GTF2B: variants seen among roughly 807,000 people sequenced by gnomAD.
GTF2B encodes the protein general transcription factor IIB.
In GTF2B, 20 loss-of-function variants were observed where a neutral mutation model predicts 34.6. The ratio of observed to expected loss-of-function variants is 0.58; its 90% CI spans 0.41 to 0.84. The LOEUF is 0.84. Ranked by LOEUF, GTF2B falls within the 40% of genes least tolerant of loss-of-function variation. The pLI, the probability that GTF2B is intolerant of heterozygous loss-of-function variation, is 0.00. For missense variants in GTF2B, 237 were observed against 393.3 expected, an observed-to-expected ratio of 0.60 and a Z score of 3.36; for synonymous variants, 142 against 132.4, an observed-to-expected ratio of 1.07 and a Z score of -0.50.
Position 88,863,980 on chromosome 1 carries a change from C to A in GTF2B, c.258+1G>T, listed in dbSNP as rs1345416786. On this transcript the variant is annotated splice_donor_variant, in intron 3 of 6. Transcript: ENST00000370500. LOFTEE classifies it high-confidence loss of function. ...TATTTCCTGCCAAATGGACTTATTA[C>A]CTTGCCAATCATGGTAGACAAATCT... The A allele has an allele frequency of 6.2e-7, 1 of 1,613,680 alleles. No homozygotes were observed. The highest frequency in any genetic ancestry group is 1.7e-5 in the Admixed American group (1 of 59,996).
At chr1:88,879,198 T>C (rs186310132) in intron 2 of GTF2B, among the ~76,000 whole-genome samples, 2 of 152,210 alleles carry the variant, frequency 1.3e-5, no homozygotes, top group African/African-American at 4.8e-5. Flanking sequence ...AGATAAATGT[T>C]ATTAGAGGCA....
rs927850967 is a variant in GTF2B at position 88,880,364 on chromosome 1, G to A, written c.124+6897C>T. Among the ~76,000 whole-genome samples the A allele has an allele frequency of 2.0e-5, 3 of 152,302 alleles. No homozygotes were observed. In the South Asian group the frequency reaches 6.2e-4, roughly 32 times the overall value. Reference sequence around the variant, plus strand: ...CTTCCCCATTTTCTTAGTGTAAGAGGTAAAGGCTGAACTGAGCTGGCAATG... The same window carrying A: ...CTTCCCCATTTTCTTAGTGTAAGAGATAAAGGCTGAACTGAGCTGGCAATG... On this transcript the variant is annotated intron_variant, in intron 2 of 6. Transcript: ENST00000370500.
chr1:88,861,239 G>T (rs189234915), intron 3 of GTF2B, among the ~76,000 whole-genome samples: 2 of 152,238 alleles, frequency 1.3e-5, no homozygotes, highest in African/African-American at 4.8e-5. Flanking sequence ...ATCTCCTGAA[G>T]GACACATAAG....
At position 88,887,276 on chromosome 1, in the gene GTF2B, A is replaced by C; in HGVS notation, c.109T>G (p.Cys37Gly). ...YRAGDMICPE[C>G]GLVVGDRVID... ...AACAACTCACCTACAACCAAGCCACATTCAGGACAGATCATATCACCGGCT... is the reference window on the plus strand; with the variant it reads ...AACAACTCACCTACAACCAAGCCACCTTCAGGACAGATCATATCACCGGCT... Residue 37 changes from cysteine to glycine, a missense_variant, in exon 2 of 7, where the codon TGT becomes GGT. Coordinates refer to ENST00000370500, the MANE Select transcript of GTF2B (RefSeq NM_001514.6). 6.2e-7 allele frequency: 1 copy of C among 1,605,702 alleles called. No individual in the cohort carries two copies. Among genetic ancestry groups the C allele is most frequent in the Admixed American group, 1.7e-5 (1 of 59,966 alleles).
intron 6 of GTF2B, among the ~76,000 whole-genome samples, chr1:88,856,272 C>CAAATAAAAAAAA (rs1673302947): frequency 2.0e-5 from 1 of 50,042 alleles, no homozygotes. Flanking sequence ...GTTTCAAAAA[C>CAAATAAAAAAAA]AAAAAAAAAA....
chr1:88,873,601 G>C (rs1302885775), intron 2 of GTF2B, among the ~76,000 whole-genome samples: 1 of 152,104 alleles, frequency 6.6e-6, no homozygotes, highest in Non-Finnish European at 1.5e-5. Flanking sequence ...CATGTTAACA[G>C]TCCATACTTA....
chr1:88,871,069 T>A (rs912504292), intron 2 of GTF2B, among the ~76,000 whole-genome samples: 1 of 152,006 alleles, frequency 6.6e-6, no homozygotes, highest in Admixed American at 6.6e-5. Context: ...GCCTGGCTAA[T>A]TTTTGTATTT....
chr1:88,891,551 C>G lies in GTF2B; in HGVS notation c.-52G>C. 2.6e-6 allele frequency: 4 copies of G among 1,557,896 alleles called. No individual in the cohort carries two copies. Among genetic ancestry groups the G allele is most frequent in the Middle Eastern group, 3.4e-4 (2 of 5,956 alleles). On this transcript the variant is annotated 5_prime_UTR_variant, in exon 1 of 7. Coordinates refer to ENST00000370500, the MANE Select transcript of GTF2B (RefSeq NM_001514.6). ...CAAGACACAACAGACACACCGAAAG[C>G]AGGAAGCGAATGTGGCGAAGAGACG...
intron 2 of GTF2B, among the ~76,000 whole-genome samples, chr1:88,870,947 G>C (rs1230601822): frequency 6.9e-6 from 1 of 145,850 alleles, no homozygotes; most frequent in Non-Finnish European, 1.5e-5. Context: ...AGTCACCCAG[G>C]CTGGAGCGCA....
At chr1:88,859,779 T>A in intron 5 of GTF2B, 103 bp downstream of exon 5, 1 of 950,892 alleles carries the variant, frequency 1.1e-6, no homozygotes, top group Non-Finnish European at 1.6e-6. Context: ...GAGGTTGCAG[T>A]GAGTCAAGAT....
At chr1:88,871,513 T>C (rs1673692908) in intron 2 of GTF2B, among the ~76,000 whole-genome samples, 1 of 152,102 alleles carries the variant, frequency 6.6e-6, no homozygotes, top group African/African-American at 2.4e-5. Flanking sequence ...TGACCAAAAG[T>C]GACAGTAACA....
At chr1:88,887,950 CTTG>C (rs1281157421) in intron 1 of GTF2B, 1 of 152,206 alleles carries the variant, frequency 6.6e-6, no homozygotes, top group Non-Finnish European at 1.5e-5. Context: ...TCAAAAGCTA[CTTG>C]TTATCTGTGA....
intron 2 of GTF2B, among the ~76,000 whole-genome samples, chr1:88,867,248 GC>G (rs1162171607): frequency 2.0e-5 from 3 of 152,062 alleles, no homozygotes; most frequent in Non-Finnish European, 2.9e-5. Context: ...TTTCATATAT[GC>G]TCTGTGTTTT....
At chr1:88,874,930 T>TAA (rs56771486) in intron 2 of GTF2B, among the ~76,000 whole-genome samples, 13,028 of 146,056 alleles carry the variant, frequency 0.089, 1,286 homozygotes, top group African/African-American at 0.25. Flanking sequence ...ACATTTAAAG[T>TAA]AAAAAAAAAA....
At chr1:88,870,569 C>T (rs1673667708) in intron 2 of GTF2B, among the ~76,000 whole-genome samples, 2 of 150,342 alleles carry the variant, frequency 1.3e-5, no homozygotes, top group South Asian at 4.1e-4. Flanking sequence ...TTTCTAACTA[C>T]TAATTGCTAT....
rs537360384 is a variant in GTF2B at position 88,856,777 on chromosome 1, C to T, written c.817+429G>A. 1.1e-4 allele frequency among the ~76,000 whole-genome samples: 16 copies of T among 149,358 alleles called. No individual in the cohort carries two copies. In the South Asian group the frequency reaches 1.7e-3, roughly 16 times the overall value. On this transcript the variant is annotated intron_variant, in intron 6 of 6. Coordinates refer to ENST00000370500, the MANE Select transcript of GTF2B (RefSeq NM_001514.6). ...AAAACATATTTTCTTAACATTTTGA[C>T]GTTGAGGAATGATGTCTTAAACGTG... is the stretch of plus-strand genomic sequence containing the variant.
At chr1:88,883,751 G>T (rs1331312388) in intron 2 of GTF2B, among the ~76,000 whole-genome samples, 1 of 152,098 alleles carries the variant, frequency 6.6e-6, no homozygotes, top group Non-Finnish European at 1.5e-5. Flanking sequence ...AATAACACAA[G>T]GTAGATTAAA....
chr1:88,856,858 A>G (rs541617808), intron 6 of GTF2B, among the ~76,000 whole-genome samples: 10 of 150,146 alleles, frequency 6.7e-5, no homozygotes, highest in Admixed American at 2.7e-4. Context: ...CTGGAGTGCA[A>G]TGGCACAATC....
Position 88,859,941 on chromosome 1 carries a change from A to G in GTF2B, c.476T>C (p.Ile159Thr). 6.2e-7 allele frequency: 1 copy of G among 1,613,634 alleles called. No homozygotes were observed. The highest frequency in any genetic ancestry group is 8.5e-7 in the Non-Finnish European group (1 of 1,179,548). The change falls in exon 5 of 7, where the codon ATA becomes ACA. Residue 159 changes from isoleucine to threonine, a missense_variant. Physicochemically the swap from Ile to Thr is moderately conservative, Grantham distance 89. This residue lies in a region of GTF2B where 29 missense variants were observed against 105.8 expected (regional missense o/e 0.27). Transcript: ENST00000370500. ...GGCAATATAGAGACAAGCAGAAGCT[A>G]TAGCATCATTAGCTCTTCCCTTCAG... is the stretch of plus-strand genomic sequence containing the variant. ...KSLKGRANDA[I>T]ASACLYIACR...
Sources: gnomAD v4.1 joint callset for allele counts (sites outside exome capture counted in the v4.1 genomes callset) on GRCh38, gnomAD v4.1.1 for gene constraint, gnomAD v4.1.1 regional missense constraint, MANE v1.5 for transcripts, NCBI Gene and HGNC (gene_info 2026-07-23, HGNC 2026-07-21) for gene names.